MTMR3: variants seen among roughly 807,000 people sequenced by gnomAD.
The protein encoded by MTMR3 is myotubularin related protein 3.
MTMR3 carries 32 observed loss-of-function variants against 132.4 expected under a neutral mutation model. That is an observed-to-expected ratio of 0.24 (90% CI 0.18 to 0.32). The LOEUF (loss-of-function observed/expected upper bound fraction) is 0.32, where lower values mean the gene tolerates loss of function less well. Among genes scored for constraint, MTMR3 ranks in the 10% least tolerant of loss-of-function variants. The pLI is 1.00. For missense variants in MTMR3, 1,216 were observed against 1,489.6 expected (o/e 0.82, Z 3.02); for synonymous variants, 556 against 550.3 (o/e 1.01, Z -0.14).
At chr22:29,958,642 C>T (rs1002685146) in intron 2 of MTMR3, among the ~76,000 whole-genome samples, 1 of 151,962 alleles carries the variant, frequency 6.6e-6, no homozygotes, top group Admixed American at 6.5e-5. Flanking sequence ...CCTTAAGTGC[C>T]CAGCTCAGAA....
chr22:29,954,608 A>C (rs1039874222), intron 1 of MTMR3, among the ~76,000 whole-genome samples: 1 of 152,222 alleles, frequency 6.6e-6, no homozygotes, highest in Admixed American at 6.5e-5. Flanking sequence ...ACCTGTGGAA[A>C]CTTTACACAA....
intron 3 of MTMR3, among the ~76,000 whole-genome samples, chr22:29,977,788 T>C (rs1361536265): frequency 6.6e-6 from 1 of 152,232 alleles, no homozygotes; most frequent in African/African-American, 2.4e-5. Context: ...TTTCAGTATG[T>C]ATCTCTCAAA....
At chr22:29,895,112 G>A (rs1019470700) in intron 1 of MTMR3, among the ~76,000 whole-genome samples, 1 of 152,146 alleles carries the variant, frequency 6.6e-6, no homozygotes, top group African/African-American at 2.4e-5. Flanking sequence ...GGAGGCTGAG[G>A]CAGGAGAATC....
At chr22:29,927,787 A>G (rs755340671) in intron 1 of MTMR3, among the ~76,000 whole-genome samples, 8 of 152,136 alleles carry the variant, frequency 5.3e-5, no homozygotes, top group African/African-American at 2.4e-5. Context: ...TCTTGTTTGC[A>G]TCAGCACCTC....
intron 1 of MTMR3, among the ~76,000 whole-genome samples, chr22:29,894,503 CGTGTGTGT>C (rs144670905): frequency 2.6e-4 from 38 of 147,174 alleles, no homozygotes; most frequent in Admixed American, 8.2e-4. Flanking sequence ...GTTCTGTATC[CGTGTGTGT>C]GTGTGTGTGT....
At chr22:29,966,284 A>C (rs937270910) in intron 2 of MTMR3, among the ~76,000 whole-genome samples, 2 of 152,196 alleles carry the variant, frequency 1.3e-5, no homozygotes, top group Non-Finnish European at 2.9e-5. Flanking sequence ...ATAACTCCTT[A>C]ATATCATCAG....
At chr22:29,921,846 T>G (rs2094145874) in intron 1 of MTMR3, among the ~76,000 whole-genome samples, 1 of 151,724 alleles carries the variant, frequency 6.6e-6, no homozygotes, top group Non-Finnish European at 1.5e-5. Context: ...CATGTCTTTT[T>G]TTTTTTTCTT....
chr22:29,937,985 A>G (rs946352850), intron 1 of MTMR3, among the ~76,000 whole-genome samples: 1 of 152,192 alleles, frequency 6.6e-6, no homozygotes, highest in Non-Finnish European at 1.5e-5. Flanking sequence ...AAAGGAAACT[A>G]TTGAAATAGC....
intron 5 of MTMR3, chr22:29,981,680 A>G (rs1389325835): frequency 6.6e-6 from 1 of 151,974 alleles, no homozygotes; most frequent in African/African-American, 2.4e-5. Flanking sequence ...CTAAAAATAC[A>G]GAAATTAGCT....
At chr22:29,937,944 A>G (rs1256594695) in intron 1 of MTMR3, among the ~76,000 whole-genome samples, 1 of 152,170 alleles carries the variant, frequency 6.6e-6, no homozygotes. Flanking sequence ...AGAACAGAAA[A>G]TTCCAGGCAG....
At position 29,939,329 on chromosome 22, in the gene MTMR3, A is replaced by G. The variant is rs201674832; in HGVS notation, c.-137-17707A>G. Among the ~76,000 whole-genome samples the G allele has an allele frequency of 2.6e-5, 4 of 152,194 alleles. No individual in the cohort carries two copies. In the East Asian group the frequency reaches 7.7e-4, roughly 29 times the overall value. On this transcript the variant is annotated intron_variant, in intron 1 of 19. Transcript: ENST00000401950. ...ATAAAAACAAAACACCGTGGGGCCA[A>G]AAGATGGGAAAGGGACTTTGTTGGA...
chr22:29,963,974 T>C (rs2066365467), intron 2 of MTMR3, among the ~76,000 whole-genome samples: 1 of 152,220 alleles, frequency 6.6e-6, no homozygotes, highest in Non-Finnish European at 1.5e-5. Flanking sequence ...TTTTGTTTTC[T>C]TGGATATATA....
chr22:29,887,093 A>T (rs2064693012), intron 1 of MTMR3, among the ~76,000 whole-genome samples: 1 of 152,216 alleles, frequency 6.6e-6, no homozygotes, highest in Non-Finnish European at 1.5e-5. Context: ...TAATTTTGTG[A>T]TATCAATACT....
chr22:29,988,745 T>G lies in MTMR3; in HGVS notation c.293+183T>G, dbSNP rs546508156. 5.7e-4 allele frequency: 210 copies of G among 366,850 alleles called. 1 individual carries two copies. Among genetic ancestry groups the G allele is most frequent in the Non-Finnish European group, 9.3e-4 (194 of 209,212 alleles). The allele number at this position is 366,850 out of a possible 1,614,324, so 22.7% of individuals were successfully genotyped here. Reference sequence around the variant, plus strand: ...ATGTATACTTTGCTATGTTGAAAGATGTTTTTTTTTTTTAATTTGGAAATA... The same window carrying G: ...ATGTATACTTTGCTATGTTGAAAGAGGTTTTTTTTTTTTAATTTGGAAATA... On this transcript the variant is annotated intron_variant, in intron 6 of 19. Coordinates refer to ENST00000401950, the MANE Select transcript of MTMR3 (RefSeq NM_021090.4).
chr22:30,017,401 A>G (rs1391110521), intron 15 of MTMR3: 1 of 156,442 alleles, frequency 6.4e-6, no homozygotes, highest in Non-Finnish European at 1.4e-5. Flanking sequence ...GTAATCACAG[A>G]AAAGATTTAA....
At chr22:30,023,511 A>G (rs1471678398) in intron 19 of MTMR3, 1 of 1,613,094 alleles carries the variant, frequency 6.2e-7, no homozygotes, top group Non-Finnish European at 8.5e-7. Flanking sequence ...CCTGCCTGTG[A>G]TGTCTGCACA....
chr22:29,997,540 C>T (rs553239730), intron 7 of MTMR3: 1 of 152,334 alleles, frequency 6.6e-6, no homozygotes, highest in African/African-American at 2.4e-5. Context: ...TTTAGATTTA[C>T]TGAATTTATG....
rs1252036452 is a variant in MTMR3 at position 30,019,919 on chromosome 22, C to G, written c.2260C>G (p.Leu754Val). ...GGGTGATGCTGCTCTGAGGAGCCAT[C>G]TGGATATGAGCTGGCCTCTGTTCTC... ...ELGDAALRSH[L>V]DMSWPLFSQG... is the part of the protein sequence containing the mutation. The change falls in exon 17 of 20, where the codon CTG (leucine) becomes GTG (valine). Residue 754 changes from leucine (L) to valine (V), a missense_variant. This residue lies in a region of MTMR3 where 852 missense variants were observed against 852.0 expected (regional missense o/e 1.00). Coordinates refer to ENST00000401950, the MANE Select transcript of MTMR3 (RefSeq NM_021090.4). 1.2e-6 allele frequency: 2 copies of G among 1,614,086 alleles called. No individual in the cohort carries two copies. Among genetic ancestry groups the G allele is most frequent in the African/African-American group, 1.3e-5 (1 of 74,932 alleles).
intron 2 of MTMR3, among the ~76,000 whole-genome samples, chr22:29,969,697 A>T (rs1569029624): frequency 1.3e-5 from 2 of 151,746 alleles, no homozygotes; most frequent in African/African-American, 2.4e-5. Context: ...TGCCCTGCTA[A>T]TTTTTTGTAT....
Sources: allele counts gnomAD v4.1 joint callset (sites outside exome capture counted in the v4.1 genomes callset), GRCh38; gene constraint gnomAD v4.1.1; regional missense constraint gnomAD v4.1.1; transcripts MANE v1.5; gene names NCBI Gene and HGNC (gene_info 2026-07-23, HGNC 2026-07-21).